TFAP2A: variants seen among roughly 807,000 people sequenced by gnomAD.
The protein encoded by TFAP2A is transcription factor AP-2-alpha.
Under a neutral mutation model 41.5 loss-of-function variants are expected in TFAP2A, and 7 were observed. The ratio of observed to expected loss-of-function variants is 0.17; its 90% CI spans 0.10 to 0.32. The LOEUF (loss-of-function observed/expected upper bound fraction) is 0.32, where lower values mean the gene tolerates loss of function less well. TFAP2A is among the 10% of genes least tolerant of loss of function. The pLI is 1.00. For synonymous variants in TFAP2A, 247 were observed against 242.8 expected, an observed-to-expected ratio of 1.02 and a Z score of -0.16; for missense variants, 416 against 563.3, an observed-to-expected ratio of 0.74 and a Z score of 2.65.
At chr6:10,414,265 G>T (rs920997126) in intron 1 of TFAP2A, among the ~76,000 whole-genome samples, 2 of 152,294 alleles carry the variant, frequency 1.3e-5, no homozygotes, top group African/African-American at 4.8e-5. Context: ...GGGGTGCGTC[G>T]ATCCTGTAGC....
At chr6:10,415,461 C>A (rs1561718563), upstream of TFAP2A, 2 of 262,240 alleles carry the variant, frequency 7.6e-6, no homozygotes, top group East Asian at 9.5e-5. Flanking sequence ...CCTCGAGCTC[C>A]GCCGCGAGGC....
At chr6:10,402,653 G>C (rs1393492931) in intron 4 of TFAP2A, 43 bp from the exon 5 acceptor site, 1 of 1,408,016 alleles carries the variant, frequency 7.1e-7, no homozygotes, top group East Asian at 2.3e-5. Flanking sequence ...AGAAAACATT[G>C]GGTTGCTCTG....
intron 6 of TFAP2A, among the ~76,000 whole-genome samples, chr6:10,399,528 G>C (rs1761924216): frequency 6.6e-6 from 1 of 152,224 alleles, no homozygotes; most frequent in Non-Finnish European, 1.5e-5. Context: ...TGGGAAGCAA[G>C]GGCTAGCTGG....
At position 10,398,316 on chromosome 6, in the gene TFAP2A, C is replaced by T; in HGVS notation, c.*101G>A. The T allele has an allele frequency of 6.3e-7, 1 of 1,597,250 alleles. No homozygotes were observed. The highest frequency in any genetic ancestry group is 8.5e-7 in the Non-Finnish European group (1 of 1,175,962). ...GCGGCGGCAGCAGCAGCAGCAGTAG[C>T]AGCAGCAGGAAGGGTTGCTGATCCC... On this transcript the variant is annotated 3_prime_UTR_variant, in exon 7 of 7. Coordinates refer to ENST00000379613, the MANE Select transcript of TFAP2A (RefSeq NM_001372066.1). This position sits in a 1 kb window ranked among gnomAD's most constrained non-coding sequence, Gnocchi z 5.3.
upstream of TFAP2A, chr6:10,415,350 C>T (rs188467067): frequency 1.0e-4 from 117 of 1,124,558 alleles, 2 homozygotes; most frequent in South Asian, 1.8e-3. Context: ...CTCGCCAGTA[C>T]CACAATCTGC....
upstream of TFAP2A, chr6:10,418,246 A>G (rs565632450): frequency 6.6e-6 from 1 of 152,404 alleles, no homozygotes; most frequent in Admixed American, 6.5e-5. Context: ...GGAAAAAAGT[A>G]CAGAACGCAA....
At chr6:10,404,153 T>G (rs952696913) in intron 4 of TFAP2A, among the ~76,000 whole-genome samples, 1 of 152,234 alleles carries the variant, frequency 6.6e-6, no homozygotes, top group African/African-American at 2.4e-5. Context: ...AAGGTGGCTG[T>G]ACGGCGCCCC....
intron 1 of TFAP2A, chr6:10,411,623 A>T: frequency 1.9e-6 from 3 of 1,613,776 alleles, no homozygotes; most frequent in East Asian, 2.2e-5. Context: ...GTAACGAGTC[A>T]GGGTGGAAAA....
upstream of TFAP2A, among the ~76,000 whole-genome samples, chr6:10,416,748 C>T (rs1457931590): frequency 6.6e-6 from 1 of 152,224 alleles, no homozygotes; most frequent in East Asian, 1.9e-4. Flanking sequence ...GGAGAACTCC[C>T]CATTCCACCC....
upstream of TFAP2A, chr6:10,415,282 T>C (rs547014310): frequency 1.0e-3 from 1,466 of 1,404,928 alleles, no homozygotes; most frequent in Non-Finnish European, 1.3e-3. Context: ...TTTTCCCTTT[T>C]CCAGCTCTTT....
At position 10,414,964 on chromosome 6, in the gene TFAP2A, T is replaced by C; in HGVS notation, c.28A>G (p.Asn10Asp). 3.7e-6 allele frequency: 6 copies of C among 1,614,022 alleles called. No individual in the cohort carries two copies. The highest frequency in any genetic ancestry group is 5.1e-6 in the Non-Finnish European group (6 of 1,179,996). Residue 10 changes from asparagine (N) to aspartate (D), a missense_variant, in exon 1 of 7, where the codon AAT (asparagine) becomes GAT (aspartate). Coordinates refer to ENST00000379613, the MANE Select transcript of TFAP2A (RefSeq NM_001372066.1). MKMLWKLTD[N>D]IKYEDCEDRH... ...ACCTCGCAGTCCTCGTACTTGATAT[T>C]ATCCGTCAATTTCCAAAGCATTTTC... is the stretch of plus-strand genomic sequence containing the variant.
chr6:10,418,496 A>G (rs1371954818), upstream of TFAP2A: 1 of 152,256 alleles, frequency 6.6e-6, no homozygotes, highest in East Asian at 1.9e-4. Flanking sequence ...CGCGGTTCTG[A>G]TGATGAAATC....
chr6:10,404,799 C>T (rs1581263263), intron 3 of TFAP2A, 60 bp from the exon 4 acceptor site: 3 of 1,497,222 alleles, frequency 2.0e-6, no homozygotes, highest in South Asian at 2.3e-5. Context: ...AAATCCTGCC[C>T]GACCCCGGCC....
At chr6:10,404,436 C>A (rs1482402336) in intron 4 of TFAP2A, 72 bp downstream of exon 4, 1 of 1,181,130 alleles carries the variant, frequency 8.5e-7, no homozygotes, top group Non-Finnish European at 1.1e-6. Context: ...GCGTCGCCGC[C>A]ACCGCCCCGG....
chr6:10,405,022 C>G (rs940826270), intron 3 of TFAP2A: 7 of 522,600 alleles, frequency 1.3e-5, no homozygotes, highest in African/African-American at 1.3e-4. Context: ...AGGGTGCTCT[C>G]TAGAGATGGG....
At chr6:10,412,230 G>T in intron 1 of TFAP2A, 1 of 988,138 alleles carries the variant, frequency 1.0e-6, no homozygotes, top group Non-Finnish European at 1.2e-6. Context: ...CGAGCGCGCG[G>T]GGGGCCGCGG....
chr6:10,408,725 T>A (rs1757824583), intron 2 of TFAP2A, among the ~76,000 whole-genome samples: 1 of 152,206 alleles, frequency 6.6e-6, no homozygotes, highest in African/African-American at 2.4e-5. Context: ...ACCAACAAAT[T>A]TCAGTGACTA....
intron 4 of TFAP2A, among the ~76,000 whole-genome samples, chr6:10,403,288 C>G (rs947634472): frequency 3.3e-5 from 5 of 152,254 alleles, no homozygotes; most frequent in South Asian, 2.1e-4. Context: ...AGATTTTATT[C>G]CCTACTCAAG....
upstream of TFAP2A, chr6:10,416,477 T>C (rs981552081): frequency 1.3e-5 from 2 of 150,216 alleles, no homozygotes; most frequent in African/African-American, 4.9e-5. Flanking sequence ...AAATACAGAG[T>C]AATTAATTTT....
Sources: allele counts gnomAD v4.1 joint callset (sites outside exome capture counted in the v4.1 genomes callset), GRCh38; gene constraint gnomAD v4.1.1; non-coding constraint Gnocchi (gnomAD v3.1); transcripts MANE v1.5; gene names NCBI Gene and HGNC (gene_info 2026-07-23, HGNC 2026-07-21).